The following HERC2 variants were observed in gnomAD, a reference collection of about 807,000 sequenced individuals.
HERC2 encodes the protein E3 ubiquitin-protein ligase HERC2.
HERC2 carries 102 observed loss-of-function variants against 537.7 expected under a neutral mutation model. The ratio of observed to expected loss-of-function variants is 0.19; its 90% CI spans 0.16 to 0.22. The LOEUF (loss-of-function observed/expected upper bound fraction) is 0.22. Among genes scored for constraint, HERC2 ranks in the 10% least tolerant of loss-of-function variants. The probability of loss-of-function intolerance (pLI) is 1.00; values close to 1 mark genes in which losing one functional copy is unlikely to be tolerated. For synonymous variants in HERC2, 2,224 were observed against 2,466.2 expected (o/e 0.90, Z 2.91); for missense variants, 4,236 against 6,198.2 (o/e 0.68, Z 10.63).
chr15:28,163,130 G>T lies in HERC2; in HGVS notation c.10710C>A (p.Ser3570=). 6.2e-7 allele frequency: 1 copy of T among 1,612,122 alleles called. No individual in the cohort carries two copies. Among genetic ancestry groups the T allele is most frequent in the Non-Finnish European group, 8.5e-7 (1 of 1,179,988 alleles). Residue 3570 remains serine, a synonymous_variant, in exon 69 of 93, where the codon TCC becomes TCA. Coordinates refer to ENST00000261609, the MANE Select transcript of HERC2 (RefSeq NM_004667.6). The stretch of plus-strand genomic sequence containing the variant: ...CGGTCCCCATGCCGGAAAGCACCGC[G>T]GAGAGCACATCCCTGCCCCTGTCCC... ...RAGDRGRDVL[S]AVLSGMGTAY...
chr15:28,142,863 C>T lies in HERC2; in HGVS notation c.11508G>A (p.Arg3836=). The T allele has an allele frequency of 1.3e-6, 2 of 1,586,072 alleles. No individual in the cohort carries two copies. The highest frequency in any genetic ancestry group is 2.2e-5 in the South Asian group (2 of 89,652). The change falls in exon 75 of 93, where the codon AGG becomes AGA. Residue 3836 remains arginine, a synonymous_variant. Coordinates refer to ENST00000261609, the MANE Select transcript of HERC2 (RefSeq NM_004667.6). ...GGCTGTGGAGCAGCTGTTTGCCACC[C>T]CTCACAATAGGATCTTCATATTCAA... ...RQFEYEDPIV[R]GGKQLLHSPF...
chr15:28,266,940 T>C (rs1429583277), intron 12 of HERC2, among the ~76,000 whole-genome samples: 2 of 152,202 alleles, frequency 1.3e-5, no homozygotes, highest in African/African-American at 2.4e-5. Context: ...GACATTTATA[T>C]GTATTTGTTA....
intron 2 of HERC2, among the ~76,000 whole-genome samples, chr15:28,309,473 A>G (rs1354827301): frequency 6.6e-6 from 1 of 152,190 alleles, no homozygotes; most frequent in Non-Finnish European, 1.5e-5. Flanking sequence ...GGTCTGATAT[A>G]ACCACTATGC....
At chr15:28,293,607 A>G (rs565897192) in intron 3 of HERC2, among the ~76,000 whole-genome samples, 50 of 152,196 alleles carry the variant, frequency 3.3e-4, no homozygotes, top group African/African-American at 1.1e-3. Flanking sequence ...TAAGTCTTTG[A>G]TATTTACCTA....
At chr15:28,293,772 A>C (rs79612398) in intron 3 of HERC2, among the ~76,000 whole-genome samples, 1 of 152,228 alleles carries the variant, frequency 6.6e-6, no homozygotes, top group Non-Finnish European at 1.5e-5. Flanking sequence ...TGCTATGCAG[A>C]GGCACTGTGA....
intron 3 of HERC2, among the ~76,000 whole-genome samples, chr15:28,296,655 C>A (rs2076477264): frequency 7.4e-6 from 1 of 135,752 alleles, no homozygotes; most frequent in Non-Finnish European, 1.5e-5. Context: ...GAGGTTAAAA[C>A]TTTTTAAAAT....
chr15:28,155,414 C>T (rs1892896556), intron 69 of HERC2, among the ~76,000 whole-genome samples: 1 of 152,146 alleles, frequency 6.6e-6, no homozygotes. Flanking sequence ...TCTCCACATC[C>T]TCTCCAGCAC....
intron 69 of HERC2, among the ~76,000 whole-genome samples, chr15:28,153,358 A>G (rs533970399): frequency 1.2e-4 from 18 of 152,156 alleles, no homozygotes; most frequent in African/African-American, 3.9e-4. Context: ...CGTCTCAAAC[A>G]AAAAAAGTCA....
intron 2 of HERC2, among the ~76,000 whole-genome samples, chr15:28,308,655 T>C (rs1160393240): frequency 6.6e-6 from 1 of 152,254 alleles, no homozygotes; most frequent in Non-Finnish European, 1.5e-5. Flanking sequence ...CTTTCAGTTT[T>C]TCACCATTCA....
chr15:28,306,814 G>A (rs1178101816), intron 2 of HERC2, among the ~76,000 whole-genome samples: 2 of 152,122 alleles, frequency 1.3e-5, no homozygotes, highest in East Asian at 1.9e-4. Flanking sequence ...GGCTGTATGT[G>A]CCTGTGAAAT....
chr15:28,186,395 CTACAT>C (rs1391444451), intron 56 of HERC2, among the ~76,000 whole-genome samples, 177 bp downstream of exon 56: 5 of 152,074 alleles, frequency 3.3e-5, no homozygotes, highest in African/African-American at 1.2e-4. Context: ...TAATGTGTTT[CTACAT>C]TAAACACTTT....
chr15:28,200,630 T>TA, intron 48 of HERC2, among the ~76,000 whole-genome samples: 1 of 152,328 alleles, frequency 6.6e-6, no homozygotes, highest in Middle Eastern at 3.4e-3. Context: ...CAAATGTAGA[T>TA]AAGGCATACA....
intron 4 of HERC2, among the ~76,000 whole-genome samples, chr15:28,290,211 TAGAACA>T (rs2076275957): frequency 6.6e-6 from 1 of 152,170 alleles, no homozygotes; most frequent in Non-Finnish European, 1.5e-5. Context: ...TAACAGTGAA[TAGAACA>T]AGTAGGCAGA....
chr15:28,175,933 C>T (rs1368012972), intron 63 of HERC2, among the ~76,000 whole-genome samples: 2 of 152,212 alleles, frequency 1.3e-5, no homozygotes, highest in Admixed American at 1.3e-4. Context: ...AGACACACTA[C>T]TGCAAACACC....
chr15:28,150,309 A>G (rs1224332607), intron 70 of HERC2, among the ~76,000 whole-genome samples: 1 of 151,992 alleles, frequency 6.6e-6, no homozygotes, highest in Non-Finnish European at 1.5e-5. Context: ...ACACGAATGT[A>G]TATTCTAGTA....
intron 44 of HERC2, among the ~76,000 whole-genome samples, chr15:28,208,159 C>A (rs143514317): frequency 1.1e-3 from 160 of 152,312 alleles, no homozygotes; most frequent in African/African-American, 3.6e-3. Flanking sequence ...CAATTGATTT[C>A]TTTCATCCTC....
At chr15:28,283,466 C>G (rs953972505) in intron 4 of HERC2, among the ~76,000 whole-genome samples, 12 of 152,074 alleles carry the variant, frequency 7.9e-5, no homozygotes, top group African/African-American at 2.4e-4. Flanking sequence ...AAATGTCCTT[C>G]AGGAATGAAA....
At chr15:28,153,207 G>T (rs895843782) in intron 69 of HERC2, among the ~76,000 whole-genome samples, 2 of 152,128 alleles carry the variant, frequency 1.3e-5, no homozygotes, top group African/African-American at 4.8e-5. Flanking sequence ...TAAAAACTTA[G>T]TTGGGCGTGG....
chr15:28,227,178 G>C (rs1264476448), intron 35 of HERC2, among the ~76,000 whole-genome samples: 5 of 152,158 alleles, frequency 3.3e-5, no homozygotes, highest in Admixed American at 6.5e-5. Context: ...GGGAGGCTGA[G>C]GCATGAGAAG....
Sources: allele counts gnomAD v4.1 joint callset (sites outside exome capture counted in the v4.1 genomes callset), GRCh38; gene constraint gnomAD v4.1.1; transcripts MANE v1.5; gene names NCBI Gene and HGNC (gene_info 2026-07-23, HGNC 2026-07-21).